The following MAP7 variants were observed in gnomAD, a reference collection of about 807,000 sequenced individuals.
MAP7 encodes microtubule associated protein 7.
A neutral mutation model predicts 94.8 loss-of-function variants in MAP7; 52 were observed. The observed-to-expected ratio is 0.55, with a 90% confidence interval of 0.44 to 0.69. The LOEUF (loss-of-function observed/expected upper bound fraction) is 0.69, where lower values mean the gene tolerates loss of function less well. Ranked by LOEUF, MAP7 falls within the 30% of genes least tolerant of loss-of-function variation. The pLI, the probability that MAP7 is intolerant of heterozygous loss-of-function variation, is 0.00. For synonymous variants in MAP7, 350 were observed against 357.0 expected, an observed-to-expected ratio of 0.98 and a Z score of 0.22; for missense variants, 940 against 964.6, an observed-to-expected ratio of 0.97 and a Z score of 0.34.
At chr6:136,526,804 G>T in intron 1 of MAP7, 2 of 365,536 alleles carry the variant, frequency 5.5e-6, no homozygotes, top group Non-Finnish European at 6.8e-6. Context: ...ATGAATGAAG[G>T]CATGGCTGGT....
intron 1 of MAP7, among the ~76,000 whole-genome samples, chr6:136,496,087 CA>C (rs1205464301): frequency 6.6e-6 from 1 of 152,166 alleles, no homozygotes; most frequent in Admixed American, 6.5e-5. Context: ...TGTTACTGAA[CA>C]GGTATACTTC....
intron 7 of MAP7, among the ~76,000 whole-genome samples, chr6:136,376,764 C>T (rs757814891): frequency 6.6e-6 from 1 of 152,232 alleles, no homozygotes; most frequent in Admixed American, 6.5e-5. Context: ...CGCTTGCCTT[C>T]GTGACTGTCT....
At chr6:136,472,520 A>G (rs1809379068) in intron 1 of MAP7, among the ~76,000 whole-genome samples, 1 of 152,218 alleles carries the variant, frequency 6.6e-6, no homozygotes, top group Non-Finnish European at 1.5e-5. Flanking sequence ...AAAAACACAT[A>G]TAATTTGATG....
At chr6:136,384,855 T>C (rs1387272477) in intron 5 of MAP7, among the ~76,000 whole-genome samples, 2 of 152,220 alleles carry the variant, frequency 1.3e-5, no homozygotes, top group Non-Finnish European at 2.9e-5. Context: ...AGCAGCCTGC[T>C]GTTGGTATAG....
chr6:136,372,708 C>T (rs1774928451), intron 7 of MAP7, 83 bp from the exon 8 acceptor site: 3 of 1,580,596 alleles, frequency 1.9e-6, no homozygotes, highest in Non-Finnish European at 2.6e-6. Context: ...TTGAAGAAAG[C>T]CAAAAGCAGG....
At chr6:136,471,814 C>T (rs1809116887) in intron 1 of MAP7, among the ~76,000 whole-genome samples, 2 of 152,132 alleles carry the variant, frequency 1.3e-5, no homozygotes, top group Non-Finnish European at 2.9e-5. Context: ...TTCTACTCTG[C>T]CTATAATCAA....
intron 1 of MAP7, among the ~76,000 whole-genome samples, chr6:136,512,816 G>A (rs1823650023): frequency 6.6e-6 from 1 of 151,788 alleles, no homozygotes; most frequent in African/African-American, 2.4e-5. Flanking sequence ...GAAGGCTGGG[G>A]TGCTGCGGCA....
intron 1 of MAP7, among the ~76,000 whole-genome samples, chr6:136,442,372 T>A (rs1798117860): frequency 7.8e-6 from 1 of 128,530 alleles, no homozygotes; most frequent in East Asian, 2.3e-4. Flanking sequence ...ACCACTGCAC[T>A]CCAGCCTGGG....
chr6:136,403,369 T>C (rs1174990450), intron 3 of MAP7, among the ~76,000 whole-genome samples: 1 of 152,242 alleles, frequency 6.6e-6, no homozygotes, highest in African/African-American at 2.4e-5. Context: ...GACACTGCCA[T>C]TAAACTTATT....
chr6:136,352,634 C>T (rs767944050), intron 16 of MAP7, among the ~76,000 whole-genome samples: 7 of 152,012 alleles, frequency 4.6e-5, no homozygotes, highest in Non-Finnish European at 8.8e-5. Context: ...AAATTTTCTC[C>T]GGTTTAAATC....
Position 136,461,324 on chromosome 6 carries a change from C to T in MAP7, c.68-39525G>A, listed in dbSNP as rs11966110. On this transcript the variant is annotated intron_variant, in intron 1 of 17. Coordinates refer to ENST00000354570, the MANE Select transcript of MAP7 (RefSeq NM_003980.6). ...ATGACTGAAACATTATTACTGAATACTTACATATTTAAATTGTGTATTTCA... is the reference window on the plus strand; with the variant it reads ...ATGACTGAAACATTATTACTGAATATTTACATATTTAAATTGTGTATTTCA... 8.8e-3 allele frequency among the ~76,000 whole-genome samples: 1,346 copies of T among 152,180 alleles called. 20 individuals are homozygous for T. The highest frequency in any genetic ancestry group is 0.03 in the African/African-American group (1,252 of 41,514).
intron 16 of MAP7, among the ~76,000 whole-genome samples, chr6:136,349,377 T>C (rs1788525497): frequency 6.6e-6 from 1 of 152,178 alleles, no homozygotes; most frequent in Admixed American, 6.5e-5. Context: ...TTAATATATA[T>C]TCATATATTT....
chr6:136,504,538 G>A (rs946828945), intron 1 of MAP7, among the ~76,000 whole-genome samples: 1 of 151,900 alleles, frequency 6.6e-6, no homozygotes, highest in African/African-American at 2.4e-5. Context: ...AGAGACAGGG[G>A]TTCACCATGT....
chr6:136,505,619 AG>A (rs1821293320), intron 1 of MAP7, among the ~76,000 whole-genome samples: 1 of 152,048 alleles, frequency 6.6e-6, no homozygotes, highest in Non-Finnish European at 1.5e-5. Context: ...ACACATCGAA[AG>A]GAACAGCAGA....
At chr6:136,520,535 T>G (rs1379903828) in intron 1 of MAP7, among the ~76,000 whole-genome samples, 2 of 152,190 alleles carry the variant, frequency 1.3e-5, no homozygotes, top group African/African-American at 4.8e-5. Flanking sequence ...GCTTACAGTG[T>G]CAAGAAGGAC....
intron 1 of MAP7, among the ~76,000 whole-genome samples, chr6:136,482,155 C>A (rs1813036140): frequency 1.3e-5 from 2 of 152,288 alleles, no homozygotes; most frequent in African/African-American, 4.8e-5. Context: ...AGAGAAAAGG[C>A]AACGCTTATA....
intron 1 of MAP7, among the ~76,000 whole-genome samples, chr6:136,493,520 G>T (rs560756500): frequency 6.6e-6 from 1 of 152,130 alleles, no homozygotes; most frequent in East Asian, 1.9e-4. Context: ...TGGGCTCAAG[G>T]GATCCTGTCT....
At chr6:136,369,511 T>C (rs1201035744) in intron 8 of MAP7, among the ~76,000 whole-genome samples, 1 of 151,786 alleles carries the variant, frequency 6.6e-6, no homozygotes, top group Non-Finnish European at 1.5e-5. Context: ...AGGCAGAGGT[T>C]GCAGTGAGCT....
chr6:136,466,443 A>G (rs1023942594), intron 1 of MAP7, among the ~76,000 whole-genome samples: 6 of 152,168 alleles, frequency 3.9e-5, no homozygotes, highest in African/African-American at 1.2e-4. Flanking sequence ...TTGTCAAAAA[A>G]AGAAAGAAGT....
Sources: gnomAD v4.1 joint callset for allele counts (sites outside exome capture counted in the v4.1 genomes callset) on GRCh38, gnomAD v4.1.1 for gene constraint, MANE v1.5 for transcripts, NCBI Gene and HGNC (gene_info 2026-07-23, HGNC 2026-07-21) for gene names.